KCNIP4: variants seen among roughly 807,000 people sequenced by gnomAD.
KCNIP4 encodes potassium voltage-gated channel interacting protein 4.
In KCNIP4, 12 loss-of-function variants were observed where a neutral mutation model predicts 34.0. The observed-to-expected ratio is 0.35, with a 90% CI of 0.23 to 0.57. The LOEUF (loss-of-function observed/expected upper bound fraction) is 0.57, where lower values mean the gene tolerates loss of function less well. Among genes scored for constraint, KCNIP4 ranks in the 20% least tolerant of loss-of-function variants. The probability of loss-of-function intolerance (pLI) is 0.83; values close to 1 mark genes in which losing one functional copy is unlikely to be tolerated. For missense variants in KCNIP4, 238 were observed against 311.7 expected (o/e 0.76, Z 1.78); for synonymous variants, 124 against 102.2 (o/e 1.21, Z -1.29).
At chr4:20,956,909 T>G (rs1200063131) in intron 1 of KCNIP4, among the ~76,000 whole-genome samples, 1 of 152,208 alleles carries the variant, frequency 6.6e-6, no homozygotes, top group Non-Finnish European at 1.5e-5. Flanking sequence ...AGCATTTGCA[T>G]AGCATCTATT....
chr4:21,642,821 C>T (rs1167238779), intron 1 of KCNIP4, among the ~76,000 whole-genome samples: 2 of 152,062 alleles, frequency 1.3e-5, no homozygotes, highest in Non-Finnish European at 2.9e-5. Flanking sequence ...AGAAATTGAC[C>T]TGGTACTCTA....
At chr4:21,206,524 A>G (rs939260924) in intron 1 of KCNIP4, among the ~76,000 whole-genome samples, 12 of 152,140 alleles carry the variant, frequency 7.9e-5, no homozygotes, top group Non-Finnish European at 1.2e-4. Flanking sequence ...CATTCACTCT[A>G]TTGGATGGGG....
chr4:20,900,210 G>C (rs1727017339), intron 1 of KCNIP4, among the ~76,000 whole-genome samples: 2 of 152,096 alleles, frequency 1.3e-5, no homozygotes. Flanking sequence ...GGAAACCCAA[G>C]ACCACCTATT....
intron 1 of KCNIP4, among the ~76,000 whole-genome samples, chr4:21,004,578 T>C (rs1738400258): frequency 6.6e-6 from 1 of 152,160 alleles, no homozygotes; most frequent in South Asian, 2.1e-4. Context: ...TGGAGAATGT[T>C]ACAGAAGAGG....
At chr4:21,322,038 GAGGA>G (rs1277463804) in intron 1 of KCNIP4, among the ~76,000 whole-genome samples, 1 of 137,700 alleles carries the variant, frequency 7.3e-6, no homozygotes, top group African/African-American at 2.7e-5. Context: ...AGAGGCAGGG[GAGGA>G]AGGAAGGAAG....
chr4:21,746,542 G>T (rs1311216694), intron 1 of KCNIP4, among the ~76,000 whole-genome samples: 2 of 150,664 alleles, frequency 1.3e-5, no homozygotes, highest in Non-Finnish European at 3.0e-5. Context: ...TATTAATCAA[G>T]ATTATAAAAA....
chr4:21,678,362 T>A (rs1431239677), intron 1 of KCNIP4, among the ~76,000 whole-genome samples: 1 of 150,660 alleles, frequency 6.6e-6, no homozygotes, highest in Non-Finnish European at 1.5e-5. Context: ...AATTCTTAGT[T>A]AATGGACCAT....
chr4:21,714,785 G>GACTATATTTTATTTTATTTT (rs939238600), intron 1 of KCNIP4, among the ~76,000 whole-genome samples: 1 of 43,388 alleles, frequency 2.3e-5, no homozygotes, highest in African/African-American at 2.0e-4. Flanking sequence ...ATTTCCCTTT[G>GACTATATTTTATTTTATTTT]ATTATTTTAT....
intron 1 of KCNIP4, among the ~76,000 whole-genome samples, chr4:21,536,896 T>C (rs1477261933): frequency 1.3e-5 from 2 of 152,266 alleles, no homozygotes; most frequent in South Asian, 2.1e-4. Flanking sequence ...AATCTTAGCA[T>C]TGGATCTTGA....
At position 20,804,097 on chromosome 4, in the gene KCNIP4, C is replaced by T. The variant is rs76279086; in HGVS notation, c.289-45207G>A. The stretch of plus-strand genomic sequence containing the variant: ...AGTGTAATAGTGATAGTGATACTAA[C>T]GGTGACTAATATTAGTGAGCAAACA... On this transcript the variant is annotated intron_variant, in intron 3 of 8. Transcript: ENST00000382152. Among the ~76,000 whole-genome samples the T allele has an allele frequency of 1.0e-3, 156 of 152,250 alleles. 1 individual carries two copies. Among genetic ancestry groups the T allele is most frequent in the African/African-American group, 3.4e-3 (140 of 41,550 alleles).
intron 1 of KCNIP4, among the ~76,000 whole-genome samples, chr4:21,509,509 G>A (rs1486834562): frequency 6.6e-6 from 1 of 152,062 alleles, no homozygotes; most frequent in Non-Finnish European, 1.5e-5. Flanking sequence ...GGCATTTGCT[G>A]GAACAAGAGT....
At chr4:21,073,343 C>A (rs1373005517) in intron 1 of KCNIP4, among the ~76,000 whole-genome samples, 1 of 152,116 alleles carries the variant, frequency 6.6e-6, no homozygotes, top group Non-Finnish European at 1.5e-5. Context: ...TGTAGTTCTC[C>A]TTGAAGAGGT....
chr4:21,680,168 T>G (rs1043019613), intron 1 of KCNIP4, among the ~76,000 whole-genome samples: 1 of 150,766 alleles, frequency 6.6e-6, no homozygotes, highest in African/African-American at 2.4e-5. Context: ...TAAGTTTATG[T>G]AACAGTCTAA....
In KCNIP4 at chr4:21,588,316, A is replaced by T. The variant is rs557387776; in HGVS notation, c.61+360255T>A. On this transcript the variant is annotated intron_variant, in intron 1 of 8. Coordinates refer to ENST00000382152, the MANE Select transcript of KCNIP4 (RefSeq NM_025221.6). ...ATGGGTGCTAGGCAATTACCAAATCAAAGGTTGTTATGGTGAGGAAAGTCT... is the reference window on the plus strand; with the variant it reads ...ATGGGTGCTAGGCAATTACCAAATCTAAGGTTGTTATGGTGAGGAAAGTCT... Among the ~76,000 whole-genome samples the T allele has an allele frequency of 3.3e-5, 5 of 152,150 alleles. No homozygotes were observed. In the South Asian group the frequency reaches 1.0e-3, roughly 32 times the overall value.
chr4:21,138,947 G>A (rs1751724131), intron 1 of KCNIP4, among the ~76,000 whole-genome samples: 2 of 152,196 alleles, frequency 1.3e-5, no homozygotes, highest in African/African-American at 2.4e-5. Flanking sequence ...TTTTACCCTA[G>A]TGAAAGTCAT....
chr4:21,151,906 A>ATTGT (rs1752784064), intron 1 of KCNIP4, among the ~76,000 whole-genome samples: 2 of 152,286 alleles, frequency 1.3e-5, no homozygotes, highest in Admixed American at 6.5e-5. Context: ...CTGTTAGATC[A>ATTGT]GTTCCAACAG....
At chr4:20,816,253 CAA>C (rs534519786) in intron 3 of KCNIP4, among the ~76,000 whole-genome samples, 12 of 84,578 alleles carry the variant, frequency 1.4e-4, no homozygotes, top group African/African-American at 2.2e-4. Flanking sequence ...GACTCCATCT[CAA>C]AAAAAAAAAA....
chr4:20,934,127 T>G (rs1194697434), intron 1 of KCNIP4, among the ~76,000 whole-genome samples: 5 of 152,288 alleles, frequency 3.3e-5, no homozygotes, highest in East Asian at 3.9e-4. Flanking sequence ...ATGCTATAAT[T>G]GATGTGAACT....
intron 1 of KCNIP4, among the ~76,000 whole-genome samples, chr4:21,407,355 C>T (rs1353080031): frequency 1.3e-5 from 2 of 152,010 alleles, no homozygotes; most frequent in African/African-American, 4.8e-5. Context: ...TTTATTCTTC[C>T]TCATTTTACT....
Sources: allele counts gnomAD v4.1 joint callset (sites outside exome capture counted in the v4.1 genomes callset), GRCh38; gene constraint gnomAD v4.1.1; transcripts MANE v1.5; gene names NCBI Gene and HGNC (gene_info 2026-07-23, HGNC 2026-07-21).